Variants in EYA4 observed in about 807,000 individuals in gnomAD.
The protein encoded by EYA4 is protein phosphatase EYA4.
In EYA4, 31 loss-of-function variants were observed where a neutral mutation model predicts 87.9. The observed-to-expected ratio is 0.35, with a 90% CI of 0.27 to 0.48. EYA4 has a LOEUF of 0.48. EYA4 is among the 20% of genes least tolerant of loss of function. EYA4 has a pLI of 0.99. For missense variants in EYA4, 678 were observed against 761.4 expected (o/e 0.89, Z 1.29); for synonymous variants, 263 against 270.6 (o/e 0.97, Z 0.28).
At position 133,448,369 on chromosome 6, in the gene EYA4, AT is replaced by A. The variant is rs1178148808; in HGVS notation, c.277+197del. On this transcript the variant is annotated intron_variant, in intron 5 of 19. Transcript: ENST00000355286. ...ATTTCTTATCAATCTGTATTCTTAG[AT>A]TTTTTTAGGTCAGTAGTATTAGTAT... Among the ~76,000 whole-genome samples the A allele has an allele frequency of 2.6e-5, 4 of 152,216 alleles. No homozygotes were observed. The South Asian group carries it at 6.2e-4, about 24-fold the overall frequency.
chr6:133,442,829 C>A lies in EYA4; in HGVS notation c.84-3801C>A, dbSNP rs1206667962. On this transcript the variant is annotated intron_variant, in intron 3 of 19. Transcript: ENST00000355286. ...TTTATCAGACAGAGGAAAAATACTT[C>A]TTTTCTTAGTTTGCCAAGAATTTGT... Among the ~76,000 whole-genome samples, 3 of 151,988 alleles carry A rather than the reference C, an allele frequency of 2.0e-5. No homozygotes were observed. In the East Asian group the frequency reaches 5.8e-4, roughly 29 times the overall value.
At chr6:133,513,227 T>G (rs1799310891) in intron 16 of EYA4, among the ~76,000 whole-genome samples, 189 bp downstream of exon 16, 1 of 152,200 alleles carries the variant, frequency 6.6e-6, no homozygotes, top group South Asian at 2.1e-4. Context: ...TGCACCACCG[T>G]CACATAAATT....
chr6:133,456,040 G>A (rs1442647868), intron 5 of EYA4, among the ~76,000 whole-genome samples: 2 of 152,042 alleles, frequency 1.3e-5, no homozygotes, highest in Non-Finnish European at 2.9e-5. Flanking sequence ...ACACCTTATA[G>A]CTCGTGAGTC....
At chr6:133,347,361 AT>A (rs962423179) in intron 2 of EYA4, among the ~76,000 whole-genome samples, 2 of 150,868 alleles carry the variant, frequency 1.3e-5, no homozygotes, top group East Asian at 1.9e-4. Flanking sequence ...TCCTTTTTAA[AT>A]TTTTTTTTCA....
chr6:133,370,760 A>T (rs1168764797), intron 2 of EYA4, among the ~76,000 whole-genome samples: 2 of 152,178 alleles, frequency 1.3e-5, no homozygotes, highest in Admixed American at 6.5e-5. Flanking sequence ...ATTTGTGCTG[A>T]ATTTGAACTT....
At chr6:133,305,752 G>T (rs529533551) in intron 2 of EYA4, among the ~76,000 whole-genome samples, 5 of 152,100 alleles carry the variant, frequency 3.3e-5, no homozygotes, top group Non-Finnish European at 7.4e-5. Context: ...GCTACATGTG[G>T]TACCACTGGG....
At chr6:133,513,538 A>C (rs1326440414) in intron 16 of EYA4, among the ~76,000 whole-genome samples, 1 of 152,200 alleles carries the variant, frequency 6.6e-6, no homozygotes, top group Non-Finnish European at 1.5e-5. Flanking sequence ...GTTTTATGTC[A>C]GTGTATCATT....
At chr6:133,274,961 G>A (rs1214008989) in intron 2 of EYA4, 148 bp downstream of exon 2, 1 of 666,978 alleles carries the variant, frequency 1.5e-6, no homozygotes, top group East Asian at 2.7e-5. Context: ...CCATGAAACA[G>A]ACCTTTGGAG....
At position 133,394,280 on chromosome 6, in the gene EYA4, TTG is replaced by T. The variant is rs1293649351; in HGVS notation, c.83+11843_83+11844del. On this transcript the variant is annotated intron_variant, in intron 3 of 19. Coordinates refer to ENST00000355286, the MANE Select transcript of EYA4 (RefSeq NM_004100.5). ...TAGTTGGAAAAATGTATATATAAGC[TTG>T]TGTTTTTTTTTTTTTTTTTTTTTTT... 2.1e-3 allele frequency among the ~76,000 whole-genome samples: 240 copies of T among 112,204 alleles called. 26 individuals carry two copies. The highest frequency in any genetic ancestry group is 3.5e-3 in the African/African-American group (113 of 32,022). 73.6% of individuals were successfully genotyped at this position (112,204 alleles called of 152,430 possible).
chr6:133,413,962 TTAATCAATCACA>T (rs1372393259), intron 3 of EYA4, among the ~76,000 whole-genome samples: 3 of 152,200 alleles, frequency 2.0e-5, no homozygotes, highest in Non-Finnish European at 4.4e-5. Context: ...CTCCTCGTAT[TTAATCAATCACA>T]ATTCCCTAGA....
chr6:133,358,977 G>A (rs1784270458), intron 2 of EYA4, among the ~76,000 whole-genome samples: 1 of 152,168 alleles, frequency 6.6e-6, no homozygotes, highest in Admixed American at 6.5e-5. Context: ...CAGAATGTGG[G>A]GGAGAGGATT....
intron 3 of EYA4, among the ~76,000 whole-genome samples, chr6:133,407,994 A>G (rs973980104): frequency 1.3e-5 from 2 of 152,224 alleles, no homozygotes; most frequent in Non-Finnish European, 2.9e-5. Context: ...AGAGCTGAAC[A>G]TGAAAAAGGG....
chr6:133,491,511 T>C (rs1222849947), intron 13 of EYA4, among the ~76,000 whole-genome samples: 1 of 152,150 alleles, frequency 6.6e-6, no homozygotes, highest in Non-Finnish European at 1.5e-5. Flanking sequence ...TCTTAGAGGC[T>C]ACTGTGAGAA....
At chr6:133,364,493 G>A (rs1784706001) in intron 2 of EYA4, among the ~76,000 whole-genome samples, 1 of 152,170 alleles carries the variant, frequency 6.6e-6, no homozygotes, top group African/African-American at 2.4e-5. Context: ...CGAGGTGACT[G>A]GCATCACAGA....
At chr6:133,257,823 ATATTTCCT>A (rs1775459875) in intron 1 of EYA4, among the ~76,000 whole-genome samples, 1 of 152,164 alleles carries the variant, frequency 6.6e-6, no homozygotes, top group Non-Finnish European at 1.5e-5. Flanking sequence ...CTTTAGAAGT[ATATTTCCT>A]TATTTGCTTA....
chr6:133,506,554 A>C (rs1025407571), intron 14 of EYA4, among the ~76,000 whole-genome samples: 2 of 152,194 alleles, frequency 1.3e-5, no homozygotes, highest in African/African-American at 4.8e-5. Flanking sequence ...CACAGACACT[A>C]TTCATGGTGA....
intron 2 of EYA4, among the ~76,000 whole-genome samples, chr6:133,345,356 T>C (rs904397438): frequency 6.6e-6 from 1 of 152,182 alleles, no homozygotes; most frequent in African/African-American, 2.4e-5. Flanking sequence ...CAAACTAGAA[T>C]TTTCCATACT....
Position 133,443,196 on chromosome 6 carries a change from TA to T in EYA4, c.84-3426del, listed in dbSNP as rs199667233. On this transcript the variant is annotated intron_variant, in intron 3 of 19. Coordinates refer to ENST00000355286, the MANE Select transcript of EYA4 (RefSeq NM_004100.5). Reference sequence around the variant, plus strand: ...AAGAATTTATTAAAAAAATTGTTACTAAAAAAAATTTTTTTTTAAATAACAG... The same window carrying T: ...AAGAATTTATTAAAAAAATTGTTACTAAAAAAATTTTTTTTTAAATAACAG... Among the ~76,000 whole-genome samples, 20 of 151,904 alleles carry T rather than the reference TA, an allele frequency of 1.3e-4. 1 individual carries two copies. Among genetic ancestry groups the T allele is most frequent in the South Asian group, 8.3e-4 (4 of 4,820 alleles).
intron 2 of EYA4, among the ~76,000 whole-genome samples, chr6:133,329,156 G>A (rs1781725481): frequency 6.6e-6 from 1 of 152,018 alleles, no homozygotes; most frequent in Non-Finnish European, 1.5e-5. Flanking sequence ...AATATGATTT[G>A]ATGATTCTTA....
Sources: allele counts gnomAD v4.1 joint callset (sites outside exome capture counted in the v4.1 genomes callset), GRCh38; gene constraint gnomAD v4.1.1; transcripts MANE v1.5; gene names NCBI Gene and HGNC (gene_info 2026-07-23, HGNC 2026-07-21).